Variants in TRAPPC9 observed in about 807,000 individuals in gnomAD.
The protein encoded by TRAPPC9 is trafficking protein particle complex subunit 9.
TRAPPC9 carries 83 observed loss-of-function variants against 124.0 expected under a neutral mutation model. The observed-to-expected ratio is 0.67, with a 90% CI of 0.56 to 0.80. The LOEUF is 0.80. TRAPPC9 is among the 30% of genes least tolerant of loss of function. The pLI, the probability that TRAPPC9 is intolerant of heterozygous loss-of-function variation, is 0.00. For missense variants in TRAPPC9, 1,302 were observed against 1,508.3 expected, an observed-to-expected ratio of 0.86 and a Z score of 2.27; for synonymous variants, 638 against 617.5, an observed-to-expected ratio of 1.03 and a Z score of -0.49.
chr8:140,213,887 C>T (rs935352359), intron 17 of TRAPPC9, among the ~76,000 whole-genome samples: 7 of 152,242 alleles, frequency 4.6e-5, no homozygotes, highest in East Asian at 1.9e-4. Flanking sequence ...AGAATCTATT[C>T]AGAGCCAGAG....
chr8:139,924,439 C>T (rs911294702), intron 19 of TRAPPC9, among the ~76,000 whole-genome samples: 2 of 152,188 alleles, frequency 1.3e-5, no homozygotes, highest in African/African-American at 4.8e-5. Flanking sequence ...ATTCAAAGCC[C>T]CCCAACTCCC....
At chr8:140,327,509 C>T (rs1298340865) in intron 9 of TRAPPC9, among the ~76,000 whole-genome samples, 2 of 152,136 alleles carry the variant, frequency 1.3e-5, no homozygotes, top group Non-Finnish European at 2.9e-5. Context: ...AGAAACAAGC[C>T]AAATGTCCAT....
chr8:139,882,922 A>T (rs1829767186), intron 21 of TRAPPC9, among the ~76,000 whole-genome samples: 1 of 152,164 alleles, frequency 6.6e-6, no homozygotes, highest in Admixed American at 6.5e-5. Flanking sequence ...ACCAAACTAC[A>T]TTTCCAAAAG....
intron 19 of TRAPPC9, among the ~76,000 whole-genome samples, chr8:139,924,351 C>T (rs537210010): frequency 5.3e-5 from 8 of 152,228 alleles, no homozygotes; most frequent in South Asian, 4.2e-4. Flanking sequence ...CGACAGGAGC[C>T]CTGCACCTGA....
In TRAPPC9 at chr8:140,216,677, A is replaced by G. The variant is rs2063203793; in HGVS notation, c.2556+4782T>C. On this transcript the variant is annotated intron_variant, in intron 17 of 22. Transcript: ENST00000438773. This position sits in a 1 kb window ranked among gnomAD's most constrained non-coding sequence, Gnocchi z 4.1. ...GCAGGCCTGCAGCAGCATGCCATAC[A>G]CACACAGACTTCAGGGGCCTCTGCA... 6.6e-6 allele frequency among the ~76,000 whole-genome samples: 1 copy of G among 152,074 alleles called. No individual in the cohort carries two copies. Among genetic ancestry groups the G allele is most frequent in the Non-Finnish European group, 1.5e-5 (1 of 68,012 alleles).
At chr8:139,988,892 T>C (rs1837442547) in intron 18 of TRAPPC9, 56 bp from the exon 19 acceptor site, 1 of 1,214,834 alleles carries the variant, frequency 8.2e-7, no homozygotes, top group Non-Finnish European at 1.2e-6. Context: ...GAGGAATGAC[T>C]TTCCCTTTTT....
At chr8:139,763,780 G>A (rs575296864) in intron 21 of TRAPPC9, among the ~76,000 whole-genome samples, 3 of 152,252 alleles carry the variant, frequency 2.0e-5, no homozygotes, top group Non-Finnish European at 4.4e-5. Flanking sequence ...GCTCAGACCA[G>A]GTCGAAGCTG....
chr8:139,857,381 C>T (rs1327520988), intron 21 of TRAPPC9, among the ~76,000 whole-genome samples: 1 of 152,224 alleles, frequency 6.6e-6, no homozygotes, highest in African/African-American at 2.4e-5. Context: ...CGCTGACAAT[C>T]TGAGTGCGAT....
At chr8:140,437,846 G>A (rs2070875260) in intron 3 of TRAPPC9, among the ~76,000 whole-genome samples, 1 of 152,134 alleles carries the variant, frequency 6.6e-6, no homozygotes, top group African/African-American at 2.4e-5. Flanking sequence ...AGGAGGCGCA[G>A]TCCCCAAAGG....
At chr8:140,254,574 C>CA (rs2064203647) in intron 15 of TRAPPC9, among the ~76,000 whole-genome samples, 1 of 152,200 alleles carries the variant, frequency 6.6e-6, no homozygotes. Context: ...ACACAGGGGA[C>CA]AGGAAGCCAT....
At chr8:140,191,046 G>T (rs1162201231) in intron 17 of TRAPPC9, among the ~76,000 whole-genome samples, 3 of 152,142 alleles carry the variant, frequency 2.0e-5, no homozygotes, top group African/African-American at 7.2e-5. Flanking sequence ...GCCAGATTAG[G>T]AGAGGGTGGG....
At chr8:139,900,503 T>C (rs1206595375) in intron 20 of TRAPPC9, among the ~76,000 whole-genome samples, 1 of 152,234 alleles carries the variant, frequency 6.6e-6, no homozygotes, top group Non-Finnish European at 1.5e-5. Flanking sequence ...TGGGCAAGGA[T>C]TATATCCTAC....
chr8:140,322,001 G>T (rs1050375881), intron 9 of TRAPPC9, among the ~76,000 whole-genome samples: 1 of 152,166 alleles, frequency 6.6e-6, no homozygotes, highest in Non-Finnish European at 1.5e-5. Flanking sequence ...CCAAAGGTTA[G>T]GGCCAAGCAG....
rs1040433736 is a variant in TRAPPC9, at chr8:140,348,129, G to A, written c.1495+11921C>T. On this transcript the variant is annotated intron_variant, in intron 9 of 22. Coordinates refer to ENST00000438773, the MANE Select transcript of TRAPPC9 (RefSeq NM_001160372.4). Reference sequence around the variant, plus strand: ...TGTTTCCCCCTTTCCGAGGCGCTGGGACGCCAGGGGTCCTGCTGTTCTGCC... The same window carrying A: ...TGTTTCCCCCTTTCCGAGGCGCTGGAACGCCAGGGGTCCTGCTGTTCTGCC... Among the ~76,000 whole-genome samples the A allele has an allele frequency of 3.3e-5, 5 of 152,202 alleles. No homozygotes were observed. The South Asian group carries it at 6.2e-4, about 19-fold the overall frequency.
chr8:139,843,131 C>T (rs562328686), intron 21 of TRAPPC9, among the ~76,000 whole-genome samples: 6 of 152,234 alleles, frequency 3.9e-5, no homozygotes, highest in African/African-American at 1.2e-4. Context: ...GGTGGGCACT[C>T]GACACATAGG....
chr8:140,096,835 G>A (rs1046421391), intron 17 of TRAPPC9: 1 of 152,318 alleles, frequency 6.6e-6, no homozygotes, highest in African/African-American at 2.4e-5. Flanking sequence ...AGACCACCGT[G>A]AGGAAGTGTG....
intron 19 of TRAPPC9, among the ~76,000 whole-genome samples, chr8:139,981,430 C>T (rs550883908): frequency 7.2e-5 from 11 of 152,316 alleles, no homozygotes; most frequent in African/African-American, 2.6e-4. Flanking sequence ...AAAGAAAATC[C>T]ACGCAAAAAC....
chr8:140,175,838 A>G (rs1386304843), intron 17 of TRAPPC9, among the ~76,000 whole-genome samples: 1 of 152,268 alleles, frequency 6.6e-6, no homozygotes. Flanking sequence ...ATCAGAAATA[A>G]TAAATGCAAA....
At chr8:140,406,782 G>A (rs1016849888) in intron 5 of TRAPPC9, among the ~76,000 whole-genome samples, 3 of 152,286 alleles carry the variant, frequency 2.0e-5, no homozygotes, top group Non-Finnish European at 2.9e-5. Flanking sequence ...AGAGGCAGGT[G>A]GTTTAGGACT....
Sources: gnomAD v4.1 joint callset for allele counts (sites outside exome capture counted in the v4.1 genomes callset) on GRCh38, gnomAD v4.1.1 for gene constraint, Gnocchi (gnomAD v3.1) non-coding constraint, MANE v1.5 for transcripts, NCBI Gene and HGNC (gene_info 2026-07-23, HGNC 2026-07-21) for gene names.